SDK1: variants seen among roughly 807,000 people sequenced by gnomAD.
SDK1 encodes protein sidekick-1.
SDK1 carries 157 observed loss-of-function variants against 245.5 expected under a neutral mutation model. The ratio of observed to expected loss-of-function variants is 0.64; its 90% CI spans 0.56 to 0.73. The LOEUF (loss-of-function observed/expected upper bound fraction) is 0.73, where lower values mean the gene tolerates loss of function less well. Among genes scored for constraint, SDK1 ranks in the 30% least tolerant of loss-of-function variants. The probability of loss-of-function intolerance (pLI) is 0.00; values close to 1 mark genes in which losing one functional copy is unlikely to be tolerated. For synonymous variants in SDK1, 1,647 were observed against 1,278.5 expected, an observed-to-expected ratio of 1.29 and a Z score of -6.15; for missense variants, 3,583 against 3,002.3, an observed-to-expected ratio of 1.19 and a Z score of -4.52.
At chr7:3,763,564 C>T (rs1022320960) in intron 4 of SDK1, among the ~76,000 whole-genome samples, 4 of 152,180 alleles carry the variant, frequency 2.6e-5, no homozygotes, top group Non-Finnish European at 4.4e-5. Flanking sequence ...CCATGCATAT[C>T]ATTAGAGTTT....
At chr7:4,166,328 T>C (rs627882) in intron 32 of SDK1, among the ~76,000 whole-genome samples, 41,319 of 152,248 alleles carry the variant, frequency 0.27, 7,181 homozygotes, top group African/African-American at 0.49. Context: ...CAGAGGGGAC[T>C]GAGGCAGGCC....
chr7:3,937,041 G>T (rs1015584537), intron 5 of SDK1, among the ~76,000 whole-genome samples: 2 of 152,208 alleles, frequency 1.3e-5, no homozygotes, highest in African/African-American at 4.8e-5. Context: ...CATGTGCCTG[G>T]TCTTGACTGG....
intron 1 of SDK1, among the ~76,000 whole-genome samples, chr7:3,491,171 T>C (rs919964046): frequency 6.6e-6 from 1 of 152,210 alleles, no homozygotes; most frequent in Non-Finnish European, 1.5e-5. Context: ...TTTACGGAAG[T>C]ATGTACCCTT....
intron 1 of SDK1, among the ~76,000 whole-genome samples, chr7:3,594,623 C>G (rs1780993925): frequency 2.6e-5 from 4 of 152,104 alleles, no homozygotes; most frequent in African/African-American, 9.7e-5. Context: ...CTTTTTGATT[C>G]TAGTCACTTT....
At chr7:4,239,961 A>C (rs1786417842) in intron 42 of SDK1, among the ~76,000 whole-genome samples, 2 of 152,220 alleles carry the variant, frequency 1.3e-5, no homozygotes, top group Admixed American at 6.5e-5. Context: ...AGGGGTTAAA[A>C]AAACCAGTCA....
intron 4 of SDK1, among the ~76,000 whole-genome samples, chr7:3,673,330 A>G (rs1783779949): frequency 6.6e-6 from 1 of 152,206 alleles, no homozygotes; most frequent in Non-Finnish European, 1.5e-5. Context: ...GGAGAGCTAG[A>G]CAGTGTCAAT....
At chr7:3,549,248 A>T (rs183412847) in intron 1 of SDK1, among the ~76,000 whole-genome samples, 37 of 152,324 alleles carry the variant, frequency 2.4e-4, no homozygotes. Flanking sequence ...TATGAGTTAT[A>T]GTCTTCCTGT....
chr7:3,761,345 C>T (rs1310941226), intron 4 of SDK1, among the ~76,000 whole-genome samples: 1 of 144,212 alleles, frequency 6.9e-6, no homozygotes, highest in East Asian at 2.0e-4. Context: ...ATTCACATGC[C>T]ATTTCATCTT....
chr7:3,673,666 T>C (rs1275697602), intron 4 of SDK1, among the ~76,000 whole-genome samples: 1 of 152,222 alleles, frequency 6.6e-6, no homozygotes, highest in Non-Finnish European at 1.5e-5. Context: ...AGTTTCGTCT[T>C]GCTCTGCAAA....
chr7:4,083,074 A>T (rs1432668481), intron 22 of SDK1, among the ~76,000 whole-genome samples: 1 of 152,222 alleles, frequency 6.6e-6, no homozygotes, highest in African/African-American at 2.4e-5. Context: ...TTGTTAAAAA[A>T]AAATGTTAAC....
At chr7:4,261,778 C>A (rs965046064) in intron 44 of SDK1, among the ~76,000 whole-genome samples, 6 of 152,068 alleles carry the variant, frequency 3.9e-5, no homozygotes, top group Admixed American at 2.0e-4. Context: ...AAGGTCAGGT[C>A]TGCCTGACCC....
rs533928659 is a variant in SDK1, at chr7:3,541,971, G to T, written c.299-77109G>T. Among the ~76,000 whole-genome samples, 48 of 152,314 alleles carry T rather than the reference G, an allele frequency of 3.2e-4. 1 individual carries two copies. The South Asian group carries it at 9.5e-3, about 30-fold the overall frequency. On this transcript the variant is annotated intron_variant, in intron 1 of 44. Coordinates refer to ENST00000404826, the MANE Select transcript of SDK1 (RefSeq NM_152744.4). Reference sequence around the variant, plus strand: ...GATAAACTAATTATAAAACTTGTGGGTGCAGCACATCAACATGGCACATGT... The same window carrying T: ...GATAAACTAATTATAAAACTTGTGGTTGCAGCACATCAACATGGCACATGT...
intron 5 of SDK1, among the ~76,000 whole-genome samples, chr7:3,880,795 G>A (rs1024471480): frequency 3.9e-5 from 6 of 151,978 alleles, no homozygotes; most frequent in Non-Finnish European, 5.9e-5. Context: ...GCTGCGGCTC[G>A]CACAGCTTTG....
intron 22 of SDK1, among the ~76,000 whole-genome samples, chr7:4,106,437 G>A (rs1190541823): frequency 6.6e-6 from 1 of 151,868 alleles, no homozygotes; most frequent in African/African-American, 2.4e-5. Context: ...CCAAGTAGCT[G>A]GGTCTACAGG....
At chr7:3,700,746 G>T (rs564971525) in intron 4 of SDK1, among the ~76,000 whole-genome samples, 1 of 152,182 alleles carries the variant, frequency 6.6e-6, no homozygotes, top group African/African-American at 2.4e-5. Context: ...CAATGAAAAT[G>T]TAGAGACAAT....
chr7:3,537,198 T>C (rs1027267273), intron 1 of SDK1, among the ~76,000 whole-genome samples: 2 of 152,222 alleles, frequency 1.3e-5, no homozygotes, highest in South Asian at 2.1e-4. Flanking sequence ...GTTTTCTGTT[T>C]GGAACATTGA....
rs573003305 is a variant in SDK1, at chr7:3,484,430, G to A, written c.299-134650G>A. 8.5e-5 allele frequency among the ~76,000 whole-genome samples: 13 copies of A among 152,296 alleles called. No homozygotes were observed. The South Asian group carries it at 1.7e-3, about 19-fold the overall frequency. On this transcript the variant is annotated intron_variant, in intron 1 of 44. Transcript: ENST00000404826. The stretch of plus-strand genomic sequence containing the variant: ...AGTGTGTGAGGATTTCGGTAAACAT[G>A]AGGGTCCTGGAACTAGTTCCCCATG...
intron 14 of SDK1, among the ~76,000 whole-genome samples, chr7:3,997,203 G>T (rs999604384): frequency 1.4e-4 from 21 of 152,296 alleles, no homozygotes; most frequent in African/African-American, 5.1e-4. Context: ...AACCTCTGTG[G>T]CTGGTGGCGG....
At chr7:3,641,365 T>G (rs73673665) in intron 3 of SDK1, among the ~76,000 whole-genome samples, 2,050 of 152,252 alleles carry the variant, frequency 0.013, 33 homozygotes, top group African/African-American at 0.04. Flanking sequence ...TTTTTTAAAT[T>G]TTTTTTATCA....
Sources: gnomAD v4.1 joint callset for allele counts (sites outside exome capture counted in the v4.1 genomes callset) on GRCh38, gnomAD v4.1.1 for gene constraint, MANE v1.5 for transcripts, NCBI Gene and HGNC (gene_info 2026-07-23, HGNC 2026-07-21) for gene names.